Variants in DLG2 observed in about 807,000 individuals in gnomAD.
The protein encoded by DLG2 is disks large homolog 2.
A neutral mutation model predicts 132.5 loss-of-function variants in DLG2; 45 were observed. That is an observed-to-expected ratio of 0.34 (90% CI 0.27 to 0.44). DLG2 has a LOEUF of 0.44. Ranked by LOEUF, DLG2 falls within the 20% of genes least tolerant of loss-of-function variation. DLG2 has a pLI of 1.00. For missense variants in DLG2, 1,045 were observed against 1,196.9 expected (o/e 0.87, Z 1.87); for synonymous variants, 424 against 419.6 (o/e 1.01, Z -0.13).
At chr11:83,909,333 G>A (rs762173808) in intron 15 of DLG2, among the ~76,000 whole-genome samples, 14 of 152,112 alleles carry the variant, frequency 9.2e-5, no homozygotes, top group Non-Finnish European at 1.3e-4. Context: ...CAGTGCTAAC[G>A]CTCTTTGATT....
At chr11:84,797,282 G>C (rs1294985898) in intron 6 of DLG2, among the ~76,000 whole-genome samples, 1 of 152,096 alleles carries the variant, frequency 6.6e-6, no homozygotes, top group African/African-American at 2.4e-5. Flanking sequence ...CTAGATTTGG[G>C]AAGTTCTCTG....
chr11:84,579,872 G>A (rs925131757), intron 6 of DLG2, among the ~76,000 whole-genome samples: 20 of 152,228 alleles, frequency 1.3e-4, no homozygotes, highest in Non-Finnish European at 1.5e-5. Flanking sequence ...ATACTTGACA[G>A]TACTTGGTGG....
At chr11:83,934,713 C>T (rs2081080394) in intron 14 of DLG2, among the ~76,000 whole-genome samples, 1 of 152,166 alleles carries the variant, frequency 6.6e-6, no homozygotes. Context: ...AGGCAGGGAC[C>T]TCACCTCATT....
chr11:84,108,268 T>TC (rs1257877719), intron 9 of DLG2, among the ~76,000 whole-genome samples: 1 of 152,004 alleles, frequency 6.6e-6, no homozygotes, highest in Admixed American at 6.6e-5. Flanking sequence ...TCAGTGTTAG[T>TC]CATGTGAGTA....
chr11:84,864,862 G>T (rs11234223), intron 6 of DLG2, among the ~76,000 whole-genome samples: 13,313 of 152,192 alleles, frequency 0.087, 805 homozygotes, highest in Non-Finnish European at 0.12. Context: ...AATGAGAAAA[G>T]AAAGGACAGT....
chr11:84,846,559 C>T (rs1020277003), intron 6 of DLG2, among the ~76,000 whole-genome samples: 2 of 152,130 alleles, frequency 1.3e-5, no homozygotes, highest in African/African-American at 4.8e-5. Context: ...ATGTCACCCT[C>T]CAATCCATTC....
intron 17 of DLG2, among the ~76,000 whole-genome samples, chr11:83,815,901 G>C (rs2048757577): frequency 6.6e-6 from 1 of 152,118 alleles, no homozygotes; most frequent in African/African-American, 2.4e-5. Flanking sequence ...ATCTGACATG[G>C]ATAAGAGGCC....
rs142405019 is a variant in DLG2, at chr11:85,533,007, T to TTTGTTGTTG, written c.40+65641_40+65649dup. 6.0e-3 allele frequency among the ~76,000 whole-genome samples: 904 copies of TTTGTTGTTG among 151,236 alleles called. 6 individuals are homozygous for TTTGTTGTTG. The highest frequency in any genetic ancestry group is 0.01 in the East Asian group (52 of 5,110). On this transcript the variant is annotated intron_variant, in intron 3 of 27. Coordinates refer to ENST00000376104, the MANE Select transcript of DLG2 (RefSeq NM_001142699.3). ...CAAAATTAGAGATGCCTAAGGTGTT[T>TTTGTTGTTG]TTGTTGTTGTTGTTGTTGTTGTTGT...
chr11:84,074,773 CCACCT>C (rs1371059653), intron 10 of DLG2, among the ~76,000 whole-genome samples: 1 of 152,088 alleles, frequency 6.6e-6, no homozygotes, highest in Admixed American at 6.5e-5. Context: ...CGTGATCTGC[CCACCT>C]CGGCCTCCCA....
chr11:84,256,364 C>T (rs1470014496), intron 7 of DLG2, among the ~76,000 whole-genome samples: 1 of 152,012 alleles, frequency 6.6e-6, no homozygotes, highest in Non-Finnish European at 1.5e-5. Flanking sequence ...AGCTAGTCAG[C>T]CAAGAAACAC....
At chr11:85,410,579 T>C (rs1328383163) in intron 3 of DLG2, among the ~76,000 whole-genome samples, 2 of 151,860 alleles carry the variant, frequency 1.3e-5, no homozygotes, top group East Asian at 1.9e-4. Context: ...TGCCCTAGGA[T>C]TGTGTAGTGA....
chr11:85,019,611 C>T (rs138147002), intron 6 of DLG2, among the ~76,000 whole-genome samples: 3,395 of 152,154 alleles, frequency 0.022, 49 homozygotes, highest in Middle Eastern at 0.037. Context: ...TAATGCTATA[C>T]CTCCCCTCTC....
intron 6 of DLG2, among the ~76,000 whole-genome samples, chr11:85,064,377 A>G (rs2064566995): frequency 6.6e-6 from 1 of 151,836 alleles, no homozygotes; most frequent in Non-Finnish European, 1.5e-5. Flanking sequence ...ATCATATTGC[A>G]CATCAGACCT....
intron 6 of DLG2, among the ~76,000 whole-genome samples, chr11:84,882,013 T>C (rs772761521): frequency 1.3e-5 from 2 of 152,144 alleles, no homozygotes; most frequent in Non-Finnish European, 2.9e-5. Flanking sequence ...TTTGTGGCTA[T>C]TGTTCTCAGA....
chr11:85,332,207 T>A (rs1405489956), intron 3 of DLG2, among the ~76,000 whole-genome samples: 1 of 152,242 alleles, frequency 6.6e-6, no homozygotes, highest in Non-Finnish European at 1.5e-5. Context: ...TGAGTTTCTA[T>A]CATGATTAGT....
chr11:84,151,112 G>A (rs1039119208), intron 9 of DLG2, among the ~76,000 whole-genome samples: 22 of 151,836 alleles, frequency 1.4e-4, no homozygotes, highest in Non-Finnish European at 2.9e-4. Context: ...TCAGGATGAC[G>A]TTGGCTTTGT....
At chr11:83,721,981 TA>T (rs1395350866) in intron 18 of DLG2, among the ~76,000 whole-genome samples, 1 of 152,222 alleles carries the variant, frequency 6.6e-6, no homozygotes, top group African/African-American at 2.4e-5. Context: ...CCAAGGCATA[TA>T]AAAAATACTT....
At chr11:83,696,121 A>G (rs551239188) in intron 18 of DLG2, among the ~76,000 whole-genome samples, 2 of 152,110 alleles carry the variant, frequency 1.3e-5, no homozygotes, top group Non-Finnish European at 2.9e-5. Context: ...GATGGACTGG[A>G]GGTGTTGAGG....
intron 6 of DLG2, among the ~76,000 whole-genome samples, chr11:85,017,413 A>C (rs910575878): frequency 6.6e-6 from 1 of 151,162 alleles, no homozygotes; most frequent in Non-Finnish European, 1.5e-5. Flanking sequence ...TACTTTGTTG[A>C]AATTTGCTCC....
Sources: gnomAD v4.1 joint callset for allele counts (sites outside exome capture counted in the v4.1 genomes callset) on GRCh38, gnomAD v4.1.1 for gene constraint, MANE v1.5 for transcripts, NCBI Gene and HGNC (gene_info 2026-07-23, HGNC 2026-07-21) for gene names.